The following DKK2 variants were observed in gnomAD, a reference collection of about 807,000 sequenced individuals.
The protein encoded by DKK2 is dickkopf-related protein 2.
Under a neutral mutation model 28.1 loss-of-function variants are expected in DKK2, and 11 were observed. That is an observed-to-expected ratio of 0.39 (90% CI 0.25 to 0.65). DKK2 has a LOEUF of 0.65. Among genes scored for constraint, DKK2 ranks in the 30% least tolerant of loss-of-function variants. The pLI, the probability that DKK2 is intolerant of heterozygous loss-of-function variation, is 0.47. For missense variants in DKK2, 326 were observed against 335.5 expected (o/e 0.97, Z 0.22); for synonymous variants, 135 against 126.5 (o/e 1.07, Z -0.45).
At chr4:107,015,174 C>T (rs949744755) in intron 1 of DKK2, among the ~76,000 whole-genome samples, 1 of 151,498 alleles carries the variant, frequency 6.6e-6, no homozygotes, top group Non-Finnish European at 1.5e-5. Flanking sequence ...AATTACACCC[C>T]CATGAACCAT....
chr4:107,030,061 G>A (rs534063410), intron 1 of DKK2, among the ~76,000 whole-genome samples: 9 of 152,080 alleles, frequency 5.9e-5, no homozygotes, highest in Admixed American at 3.9e-4. Flanking sequence ...ACATGTTAGA[G>A]TAGCAATTCT....
chr4:107,010,419 C>A (rs1359132589), intron 1 of DKK2, among the ~76,000 whole-genome samples: 12 of 151,622 alleles, frequency 7.9e-5, no homozygotes, highest in Non-Finnish European at 1.8e-4. Context: ...TCACTGTTAT[C>A]AATTTAAGCC....
At chr4:106,980,267 A>G (rs1723009012) in intron 1 of DKK2, among the ~76,000 whole-genome samples, 3 of 152,100 alleles carry the variant, frequency 2.0e-5, no homozygotes, top group African/African-American at 7.2e-5. Flanking sequence ...ACACATCTAT[A>G]TACTTACATA....
chr4:106,996,098 C>T (rs1211825963), intron 1 of DKK2, among the ~76,000 whole-genome samples: 3 of 152,124 alleles, frequency 2.0e-5, no homozygotes, highest in African/African-American at 4.8e-5. Context: ...GTCTACATTG[C>T]AAGCCTTTCA....
intron 1 of DKK2, among the ~76,000 whole-genome samples, chr4:106,999,442 G>C (rs1349153869): frequency 1.3e-5 from 2 of 152,192 alleles, no homozygotes; most frequent in African/African-American, 4.8e-5. Context: ...CGCCTCCCAG[G>C]TTCAAGTGAT....
chr4:107,010,284 C>T (rs1386924985), intron 1 of DKK2, among the ~76,000 whole-genome samples: 1 of 151,656 alleles, frequency 6.6e-6, no homozygotes, highest in Non-Finnish European at 1.5e-5. Flanking sequence ...TAAAGTATGG[C>T]TTTAACCCCT....
chr4:106,983,915 T>A (rs1723075803), intron 1 of DKK2, among the ~76,000 whole-genome samples: 1 of 152,140 alleles, frequency 6.6e-6, no homozygotes, highest in African/African-American at 2.4e-5. Flanking sequence ...AGGATATCAG[T>A]ACACACCTAT....
At chr4:106,957,084 T>A (rs1205505236) in intron 1 of DKK2, among the ~76,000 whole-genome samples, 1 of 151,918 alleles carries the variant, frequency 6.6e-6, no homozygotes, top group Non-Finnish European at 1.5e-5. Context: ...CATCAAAAAG[T>A]GGGCAAAGGA....
At chr4:106,945,567 C>T (rs942112681) in intron 1 of DKK2, among the ~76,000 whole-genome samples, 7 of 152,076 alleles carry the variant, frequency 4.6e-5, no homozygotes, top group African/African-American at 1.7e-4. Flanking sequence ...GTTTGGAGAG[C>T]TCTAGGAAGA....
chr4:107,035,351 T>C lies in DKK2; in HGVS notation c.222+19A>G, dbSNP rs371477841. 6.2e-7 allele frequency: 1 copy of C among 1,612,680 alleles called. No individual in the cohort carries two copies. The highest frequency in any genetic ancestry group is 1.3e-5 in the African/African-American group (1 of 74,902). ...CCCTGCCTCTTCTGTCTGAAGAATGTGTTTGGGGGTTTTCCTACCTGCCCC... is the reference window on the plus strand; with the variant it reads ...CCCTGCCTCTTCTGTCTGAAGAATGCGTTTGGGGGTTTTCCTACCTGCCCC... On this transcript the variant is annotated intron_variant, in intron 1 of 3. Transcript: ENST00000285311.
chr4:107,022,880 G>T (rs1447007642), intron 1 of DKK2, among the ~76,000 whole-genome samples: 1 of 152,010 alleles, frequency 6.6e-6, no homozygotes, highest in African/African-American at 2.4e-5. Flanking sequence ...AGCCTAGATT[G>T]TTTCTAACTT....
intron 1 of DKK2, among the ~76,000 whole-genome samples, chr4:106,941,514 T>C (rs1375405025): frequency 6.6e-6 from 1 of 152,148 alleles, no homozygotes; most frequent in Non-Finnish European, 1.5e-5. Context: ...TAGGTAAGGA[T>C]ATGTGTTCCA....
intron 1 of DKK2, among the ~76,000 whole-genome samples, chr4:107,027,756 A>ATTTT (rs71590176): frequency 9.6e-5 from 13 of 135,306 alleles, no homozygotes; most frequent in Non-Finnish European, 1.7e-4. Flanking sequence ...ACCTATTATG[A>ATTTT]TTTTTTTTTT....
Position 106,957,553 on chromosome 4 carries a change from C to G in DKK2, c.223-31604G>C, listed in dbSNP as rs530510189. On this transcript the variant is annotated intron_variant, in intron 1 of 3. Coordinates refer to ENST00000285311, the MANE Select transcript of DKK2 (RefSeq NM_014421.3). ...ATTAAGAAAATGTGGCACACATACA[C>G]CATGGAATACTATGCAGCCATAAAA... is the stretch of plus-strand genomic sequence containing the variant. Among the ~76,000 whole-genome samples, 6 of 151,856 alleles carry G rather than the reference C, an allele frequency of 4.0e-5. No homozygotes were observed. The South Asian group carries it at 1.2e-3, about 32-fold the overall frequency.
intron 1 of DKK2, among the ~76,000 whole-genome samples, chr4:106,964,969 A>ATAGG (rs1722747703): frequency 7.0e-6 from 1 of 142,904 alleles, no homozygotes; most frequent in Non-Finnish European, 1.5e-5. Flanking sequence ...ATATAGATAG[A>ATAGG]TAGATAGATA....
At chr4:106,925,553 T>C (rs1724412719) in intron 2 of DKK2, among the ~76,000 whole-genome samples, 1 of 152,248 alleles carries the variant, frequency 6.6e-6, no homozygotes. Flanking sequence ...TCTTGCTATT[T>C]ATACACAACA....
intron 1 of DKK2, among the ~76,000 whole-genome samples, chr4:106,983,249 CAT>C (rs1027064641): frequency 1.4e-5 from 2 of 145,378 alleles, no homozygotes; most frequent in African/African-American, 5.1e-5. Context: ...ACTCTAATAA[CAT>C]ATTTTATGAT....
chr4:106,991,101 A>T (rs1025205625), intron 1 of DKK2, among the ~76,000 whole-genome samples: 7 of 152,332 alleles, frequency 4.6e-5, no homozygotes, highest in African/African-American at 1.7e-4. Flanking sequence ...GTTTTAGCAG[A>T]TAATTATTGA....
chr4:107,028,137 C>T (rs1304357625), intron 1 of DKK2, among the ~76,000 whole-genome samples: 1 of 151,564 alleles, frequency 6.6e-6, no homozygotes, highest in African/African-American at 2.4e-5. Context: ...TGCCAGCTTG[C>T]TTATTTTCTG....
Sources: allele counts gnomAD v4.1 joint callset (sites outside exome capture counted in the v4.1 genomes callset), GRCh38; gene constraint gnomAD v4.1.1; transcripts MANE v1.5; gene names NCBI Gene and HGNC (gene_info 2026-07-23, HGNC 2026-07-21).